Variants in SYN2 observed in about 807,000 individuals in gnomAD.
SYN2 encodes synapsin-2.
Under a neutral mutation model 50.9 loss-of-function variants are expected in SYN2, and 19 were observed. The ratio of observed to expected loss-of-function variants is 0.37; its 90% CI spans 0.26 to 0.55. The LOEUF (loss-of-function observed/expected upper bound fraction) is 0.55, where lower values mean the gene tolerates loss of function less well. Ranked by LOEUF, SYN2 falls within the 20% of genes least tolerant of loss-of-function variation. The pLI, the probability that SYN2 is intolerant of heterozygous loss-of-function variation, is 0.81. For synonymous variants in SYN2, 255 were observed against 224.9 expected (o/e 1.13, Z -1.20); for missense variants, 587 against 576.4 (o/e 1.02, Z -0.19).
At chr3:12,044,196 CA>C in intron 1 of SYN2, among the ~76,000 whole-genome samples, 1 of 149,500 alleles carries the variant, frequency 6.7e-6, no homozygotes, top group Non-Finnish European at 1.5e-5. Flanking sequence ...CACACACACA[CA>C]CACACACACA....
chr3:12,052,520 T>C (rs910978158), intron 1 of SYN2, among the ~76,000 whole-genome samples: 1 of 152,200 alleles, frequency 6.6e-6, no homozygotes, highest in African/African-American at 2.4e-5. Flanking sequence ...AATCAAAATT[T>C]GTGTGGACCA....
chr3:12,045,154 A>T (rs1694707221), intron 1 of SYN2, among the ~76,000 whole-genome samples: 1 of 152,112 alleles, frequency 6.6e-6, no homozygotes, highest in Admixed American at 6.6e-5. Flanking sequence ...ACCACCAGAG[A>T]GCTGTACATG....
intron 12 of SYN2, among the ~76,000 whole-genome samples, chr3:12,188,462 G>C (rs1173489970): frequency 6.6e-6 from 1 of 152,226 alleles, no homozygotes; most frequent in Non-Finnish European, 1.5e-5. Context: ...GGGGATGGTA[G>C]TGATACACCC....
intron 1 of SYN2, among the ~76,000 whole-genome samples, chr3:12,136,363 T>C (rs1456102819): frequency 6.6e-6 from 1 of 152,174 alleles, no homozygotes; most frequent in Non-Finnish European, 1.5e-5. Context: ...ACATCACAGG[T>C]GTTCACTATT....
chr3:12,189,475 C>T (rs778014457), intron 12 of SYN2, among the ~76,000 whole-genome samples: 3 of 152,180 alleles, frequency 2.0e-5, no homozygotes, highest in Non-Finnish European at 4.4e-5. Context: ...TAGCGCTCTT[C>T]TGAGGAGGGT....
intron 1 of SYN2, among the ~76,000 whole-genome samples, chr3:12,040,578 G>GC (rs1475566859): frequency 6.6e-6 from 1 of 151,628 alleles, no homozygotes; most frequent in Non-Finnish European, 1.5e-5. Context: ...GACTACAGAC[G>GC]CCCGCCACCA....
At position 12,069,512 on chromosome 3, in the gene SYN2, G is replaced by T. The variant is rs141306063; in HGVS notation, c.377+64584G>T. Reference sequence around the variant, plus strand: ...TCTGCCCGCCTCAGCCTCCCAAAGTGCTGGGATTACAGGTGTGAGCCACTG... The same window carrying T: ...TCTGCCCGCCTCAGCCTCCCAAAGTTCTGGGATTACAGGTGTGAGCCACTG... On this transcript the variant is annotated intron_variant, in intron 1 of 12. Coordinates refer to ENST00000621198, the MANE Select transcript of SYN2 (RefSeq NM_133625.6). Among the ~76,000 whole-genome samples, 606 of 152,212 alleles carry T rather than the reference G, an allele frequency of 4.0e-3. 8 individuals carry two copies. Among genetic ancestry groups the T allele is most frequent in the African/African-American group, 0.014 (583 of 41,554 alleles).
At chr3:12,184,091 G>A (rs1290510506) in intron 11 of SYN2, 1 of 985,902 alleles carries the variant, frequency 1.0e-6, no homozygotes, top group South Asian at 4.7e-5. Flanking sequence ...GGCTGTGCCT[G>A]TAGAGCTCTT....
chr3:12,125,145 G>T (rs1198179853), intron 1 of SYN2, among the ~76,000 whole-genome samples: 2 of 152,036 alleles, frequency 1.3e-5, no homozygotes, highest in African/African-American at 2.4e-5. Context: ...CTCCCAAGTA[G>T]CTGGGATTAC....
intron 10 of SYN2, among the ~76,000 whole-genome samples, chr3:12,175,947 C>G (rs1480349984): frequency 6.6e-6 from 1 of 152,234 alleles, no homozygotes; most frequent in African/African-American, 2.4e-5. Flanking sequence ...AGACTGCCAG[C>G]TTGCGGGCTG....
chr3:12,028,810 C>T (rs1244176164), intron 1 of SYN2, among the ~76,000 whole-genome samples: 1 of 147,622 alleles, frequency 6.8e-6, no homozygotes, highest in Non-Finnish European at 1.5e-5. Flanking sequence ...CGAAAATTTT[C>T]TTCCATGTTG....
intron 5 of SYN2, among the ~76,000 whole-genome samples, 199 bp downstream of exon 5, chr3:12,151,525 G>C (rs994228564): frequency 1.3e-5 from 2 of 152,280 alleles, no homozygotes; most frequent in East Asian, 3.9e-4. Context: ...ATAGAATAGG[G>C]AAAAACAGGA....
intron 11 of SYN2, 184 bp downstream of exon 11, chr3:12,183,556 C>T: frequency 1.3e-6 from 2 of 1,515,454 alleles, no homozygotes; most frequent in South Asian, 1.3e-5. Context: ...TCTTTCAATG[C>T]TGACTGGACT....
chr3:12,024,860 A>G (rs915257763), intron 1 of SYN2, among the ~76,000 whole-genome samples: 12 of 152,194 alleles, frequency 7.9e-5, no homozygotes, highest in African/African-American at 2.9e-4. Flanking sequence ...GTAGTTTTAC[A>G]GTTTTACAGA....
chr3:12,185,278 G>C, intron 11 of SYN2: 1 of 985,668 alleles, frequency 1.0e-6, no homozygotes, highest in Non-Finnish European at 1.2e-6. Context: ...GTATATTTTT[G>C]TCCAAGCGAT....
At chr3:12,163,924 A>G (rs74866862) in intron 7 of SYN2, among the ~76,000 whole-genome samples, 5,144 of 152,142 alleles carry the variant, frequency 0.034, 270 homozygotes, top group African/African-American at 0.11. Flanking sequence ...AAAAAATACA[A>G]AAATTAGCTG....
At chr3:12,131,909 C>G (rs951856077) in intron 1 of SYN2, among the ~76,000 whole-genome samples, 3 of 152,184 alleles carry the variant, frequency 2.0e-5, no homozygotes, top group African/African-American at 7.2e-5. Context: ...TTCATAAACT[C>G]CAGAGAAGGC....
In SYN2 at chr3:12,187,456, C is replaced by T. The variant is rs1315228986; in HGVS notation, c.1457C>T (p.Ser486Phe). 6.4e-7 allele frequency: 1 copy of T among 1,552,212 alleles called. No homozygotes were observed. Among genetic ancestry groups the T allele is most frequent in the East Asian group, 2.4e-5 (1 of 41,088 alleles). The change falls in exon 12 of 13, where the codon TCC (serine) becomes TTC (phenylalanine). Residue 486 changes from serine (S) to phenylalanine (F), a missense_variant. Transcript: ENST00000621198. ...RLPPGPSLPPSSSSSSSSSSS... is the reference protein window; with the variant it reads ...RLPPGPSLPPFSSSSSSSSSS... ...CCCCCTGGACCATCACTGCCACCTTCCTCCTCTTCCTCCTCTTCTTCCTCC... is the reference window on the plus strand; with the variant it reads ...CCCCCTGGACCATCACTGCCACCTTTCTCCTCTTCCTCCTCTTCTTCCTCC...
At chr3:12,142,469 C>T (rs1313597850) in intron 3 of SYN2, among the ~76,000 whole-genome samples, 2 of 152,200 alleles carry the variant, frequency 1.3e-5, no homozygotes, top group Admixed American at 1.3e-4. Flanking sequence ...GATCACTTGA[C>T]TCTCCATCCT....
Sources: allele counts gnomAD v4.1 joint callset (sites outside exome capture counted in the v4.1 genomes callset), GRCh38; gene constraint gnomAD v4.1.1; transcripts MANE v1.5; gene names NCBI Gene and HGNC (gene_info 2026-07-23, HGNC 2026-07-21).